RBFOX3: variants seen among roughly 807,000 people sequenced by gnomAD.
The protein encoded by RBFOX3 is RNA binding protein fox-1 homolog 3.
Under a neutral mutation model 48.7 loss-of-function variants are expected in RBFOX3, and 17 were observed. The ratio of observed to expected loss-of-function variants is 0.35; its 90% CI spans 0.24 to 0.52. The LOEUF (loss-of-function observed/expected upper bound fraction) is 0.52. Ranked by LOEUF, RBFOX3 falls within the 20% of genes least tolerant of loss-of-function variation. The pLI is 0.94. For missense variants in RBFOX3, 382 were observed against 497.5 expected (o/e 0.77, Z 2.21); for synonymous variants, 212 against 209.5 (o/e 1.01, Z -0.10).
intron 1 of RBFOX3, among the ~76,000 whole-genome samples, chr17:79,579,807 G>A (rs1295425353): frequency 4.2e-5 from 6 of 144,452 alleles, no homozygotes; most frequent in Non-Finnish European, 9.2e-5. Context: ...CGCCATGGTG[G>A]GGAGCCACTG....
chr17:79,179,890 GT>G lies in RBFOX3; in HGVS notation c.-34+55875del, dbSNP rs1448625172. Among the ~76,000 whole-genome samples the G allele has an allele frequency of 2.0e-5, 3 of 152,186 alleles. No homozygotes were observed. In the East Asian group the frequency reaches 5.8e-4, roughly 29 times the overall value. The stretch of plus-strand genomic sequence containing the variant: ...TCAGGGTTCCTAGGAGGGGTCAGAT[GT>G]TGGGGGACCACGGCACGGGGCTACC... On this transcript the variant is annotated intron_variant, in intron 4 of 14. Transcript: ENST00000693108.
intron 2 of RBFOX3, among the ~76,000 whole-genome samples, chr17:79,451,797 T>C (rs1555741797): frequency 6.6e-6 from 1 of 152,222 alleles, no homozygotes; most frequent in Non-Finnish European, 1.5e-5. Flanking sequence ...CATCAGATCA[T>C]CATGAGTACT....
chr17:79,292,781 T>C (rs1319450684), intron 3 of RBFOX3, among the ~76,000 whole-genome samples: 1 of 151,744 alleles, frequency 6.6e-6, no homozygotes, highest in Non-Finnish European at 1.5e-5. Flanking sequence ...ACCCTACTGT[T>C]GTATTCTGAT....
intron 4 of RBFOX3, among the ~76,000 whole-genome samples, chr17:79,200,087 C>T (rs554874675): frequency 4.9e-5 from 7 of 142,098 alleles, no homozygotes; most frequent in South Asian, 2.2e-4. Flanking sequence ...CACTTGAACC[C>T]GGAAGGCAGA....
intron 1 of RBFOX3, among the ~76,000 whole-genome samples, chr17:79,516,611 C>A (rs998651039): frequency 6.6e-5 from 10 of 152,222 alleles, no homozygotes; most frequent in African/African-American, 2.2e-4. Flanking sequence ...CTCCTGAGAG[C>A]CTGGCCCAGA....
intron 1 of RBFOX3, among the ~76,000 whole-genome samples, chr17:79,572,299 C>T (rs1347766686): frequency 6.6e-6 from 1 of 152,336 alleles, no homozygotes; most frequent in South Asian, 2.1e-4. Flanking sequence ...CGCCCCGCCA[C>T]CCGGCTTAGC....
chr17:79,499,377 TCCA>T (rs1226034624), intron 1 of RBFOX3, among the ~76,000 whole-genome samples: 3 of 149,072 alleles, frequency 2.0e-5, no homozygotes, highest in South Asian at 2.1e-4. Context: ...CATCCATCCA[TCCA>T]CTATTCATTC....
intron 2 of RBFOX3, among the ~76,000 whole-genome samples, chr17:79,451,027 A>G (rs1159668537): frequency 1.3e-5 from 2 of 152,176 alleles, no homozygotes; most frequent in Non-Finnish European, 2.9e-5. Flanking sequence ...TCCCAAGCCC[A>G]GGCTGGGGGG....
intron 3 of RBFOX3, among the ~76,000 whole-genome samples, chr17:79,259,209 G>A (rs890850506): frequency 6.6e-6 from 1 of 152,256 alleles, no homozygotes; most frequent in African/African-American, 2.4e-5. Context: ...CCAATACGCA[G>A]CTGGTGTCTG....
chr17:79,285,497 G>A (rs1457806060), intron 3 of RBFOX3, among the ~76,000 whole-genome samples: 1 of 152,118 alleles, frequency 6.6e-6, no homozygotes, highest in Non-Finnish European at 1.5e-5. Context: ...AGCATACAAT[G>A]CCCTGAAACC....
upstream of RBFOX3, among the ~76,000 whole-genome samples, chr17:79,614,617 A>T (rs938374626): frequency 6.6e-6 from 1 of 152,224 alleles, no homozygotes; most frequent in Non-Finnish European, 1.5e-5. Flanking sequence ...AAAACATCAG[A>T]AATAGCAGTA....
chr17:79,157,168 C>G (rs2045997262), intron 4 of RBFOX3, among the ~76,000 whole-genome samples: 1 of 152,184 alleles, frequency 6.6e-6, no homozygotes, highest in Non-Finnish European at 1.5e-5. Flanking sequence ...CTTTGCGTGT[C>G]TCACTTTGGG....
In RBFOX3 at chr17:79,473,938, G is replaced by A. The variant is rs2077367393; in HGVS notation, c.-175+8516C>T. Among the ~76,000 whole-genome samples, 1 of 152,028 alleles carries A rather than the reference G, an allele frequency of 6.6e-6. No individual in the cohort carries two copies. Among genetic ancestry groups the A allele is most frequent in the Non-Finnish European group, 1.5e-5 (1 of 68,016 alleles). ...AGGCATTTGCTGACGCTCCTTTTCT[G>A]TTCTTTCCCCCACAGAACACAGATG... On this transcript the variant is annotated intron_variant, in intron 2 of 14. Transcript: ENST00000693108. The surrounding 1 kb of genome is among the most constrained non-coding windows in gnomAD (Gnocchi z 4.2).
chr17:79,357,165 T>A (rs964828562), intron 2 of RBFOX3, among the ~76,000 whole-genome samples: 1 of 152,272 alleles, frequency 6.6e-6, no homozygotes, highest in Non-Finnish European at 1.5e-5. Flanking sequence ...TGCACACACA[T>A]CCTAAAACGC....
intron 2 of RBFOX3, among the ~76,000 whole-genome samples, chr17:79,310,076 G>A (rs2076635859): frequency 6.6e-6 from 1 of 152,172 alleles, no homozygotes; most frequent in Admixed American, 6.5e-5. Context: ...CTGGCAAGCC[G>A]CAGGTGCTCA....
intron 4 of RBFOX3, among the ~76,000 whole-genome samples, chr17:79,139,935 A>C (rs2041574006): frequency 6.6e-6 from 1 of 152,088 alleles, no homozygotes; most frequent in African/African-American, 2.4e-5. Context: ...CGCCGAGAGA[A>C]GCCAAATAAG....
chr17:79,658,309 T>C, the RBFOX3 span, among the ~76,000 whole-genome samples: 3 of 111,660 alleles, frequency 2.7e-5, no homozygotes, highest in Non-Finnish European at 3.7e-5. Flanking sequence ...TCTCTCCCTC[T>C]CTCCCCCATC....
At chr17:79,287,237 A>T (rs1359966227) in intron 3 of RBFOX3, among the ~76,000 whole-genome samples, 1 of 152,202 alleles carries the variant, frequency 6.6e-6, no homozygotes, top group Non-Finnish European at 1.5e-5. Flanking sequence ...CCCCTGCCTT[A>T]CTGCTCCCAG....
chr17:79,230,875 T>C (rs1244162849), intron 4 of RBFOX3, among the ~76,000 whole-genome samples: 1 of 151,724 alleles, frequency 6.6e-6, no homozygotes, highest in African/African-American at 2.4e-5. Context: ...ACAGATCCGG[T>C]GTAAAGAAGA....
Sources: gnomAD v4.1 joint callset for allele counts (sites outside exome capture counted in the v4.1 genomes callset) on GRCh38, gnomAD v4.1.1 for gene constraint, Gnocchi (gnomAD v3.1) non-coding constraint, MANE v1.5 for transcripts, NCBI Gene and HGNC (gene_info 2026-07-23, HGNC 2026-07-21) for gene names.